The following PIGN variants were observed in gnomAD, a reference collection of about 807,000 sequenced individuals.
The protein encoded by PIGN is GPI ethanolamine phosphate transferase 1.
PIGN carries 117 observed loss-of-function variants against 125.4 expected under a neutral mutation model. The ratio of observed to expected loss-of-function variants is 0.93; its 90% CI spans 0.80 to 1.09. The LOEUF (loss-of-function observed/expected upper bound fraction) is 1.09. Ranked by LOEUF, PIGN falls within the 50% of genes least tolerant of loss-of-function variation. PIGN has a pLI of 0.00. For synonymous variants in PIGN, 392 were observed against 377.8 expected (o/e 1.04, Z -0.44); for missense variants, 1,075 against 1,094.9 (o/e 0.98, Z 0.26).
At chr18:62,089,582 ATC>A (rs977386056) in intron 24 of PIGN, among the ~76,000 whole-genome samples, 5 of 152,294 alleles carry the variant, frequency 3.3e-5, no homozygotes, top group African/African-American at 1.2e-4. Flanking sequence ...ATTAAGGCTA[ATC>A]TCTGAGTATT....
At chr18:62,024,803 C>G (rs1263280884) in intron 23 of PIGN, among the ~76,000 whole-genome samples, 1 of 152,164 alleles carries the variant, frequency 6.6e-6, no homozygotes, top group African/African-American at 2.4e-5. Flanking sequence ...ACCTGGGCAA[C>G]ATAGCAACAC....
intron 1 of PIGN, among the ~76,000 whole-genome samples, chr18:62,177,802 G>A (rs2037578427): frequency 6.6e-6 from 1 of 152,134 alleles, no homozygotes; most frequent in African/African-American, 2.4e-5. Flanking sequence ...ATCAGCCAAT[G>A]GCAGATTTAG....
At chr18:62,088,515 C>G in intron 25 of PIGN, 1 of 229,882 alleles carries the variant, frequency 4.4e-6, no homozygotes, top group Non-Finnish European at 8.2e-6. Flanking sequence ...ACATATGTGA[C>G]AAAGTACTAA....
chr18:62,140,907 G>A (rs2036111276), intron 11 of PIGN, among the ~76,000 whole-genome samples: 1 of 152,158 alleles, frequency 6.6e-6, no homozygotes, highest in Non-Finnish European at 1.5e-5. Context: ...GTGATGTCCA[G>A]AAAAGACATA....
At chr18:62,124,193 T>G (rs1599575418) in intron 14 of PIGN, among the ~76,000 whole-genome samples, 1 of 152,106 alleles carries the variant, frequency 6.6e-6, no homozygotes, top group East Asian at 1.9e-4. Context: ...AATGATTAAA[T>G]AAACCACAGC....
At chr18:62,069,385 C>T (rs140629241) in intron 30 of PIGN, 16 of 152,288 alleles carry the variant, frequency 1.1e-4, no homozygotes, top group Admixed American at 9.8e-4. Context: ...CAGTCTCACT[C>T]CCAAGTTCAC....
chr18:62,107,621 A>G (rs1252732723), intron 17 of PIGN: 1 of 152,706 alleles, frequency 6.5e-6, no homozygotes, highest in African/African-American at 2.4e-5. Context: ...AATGATCACA[A>G]AAGTTTGCTT....
At chr18:62,049,697 A>G (rs1160352400) in intron 30 of PIGN, among the ~76,000 whole-genome samples, 2 of 150,336 alleles carry the variant, frequency 1.3e-5, no homozygotes, top group Admixed American at 6.6e-5. Flanking sequence ...GAAGCTCTTT[A>G]GTTTAATTAG....
At chr18:62,028,418 A>G (rs999419332) in intron 23 of PIGN, among the ~76,000 whole-genome samples, 1 of 152,238 alleles carries the variant, frequency 6.6e-6, no homozygotes, top group Non-Finnish European at 1.5e-5. Context: ...AAAAAGAAAT[A>G]GAAGAAATTT....
Position 62,157,796 on chromosome 18 carries a change from C to A in PIGN, c.234G>T (p.Met78Ile). 6.2e-7 allele frequency: 1 copy of A among 1,610,752 alleles called. No homozygotes were observed. Among genetic ancestry groups the A allele is most frequent in the Non-Finnish European group, 8.5e-7 (1 of 1,178,016 alleles). ...SRAPFIRNIIMHEGSWGISHT... is the reference protein window; with the variant it reads ...SRAPFIRNIIIHEGSWGISHT... ...GAGATATGCCCCAGCTGCCTTCATGCATTATGATATTCCTAAAAGATATTA... is the reference window on the plus strand; with the variant it reads ...GAGATATGCCCCAGCTGCCTTCATGAATTATGATATTCCTAAAAGATATTA... The change falls in exon 5 of 31, where the codon ATG (methionine) becomes ATT (isoleucine). Residue 78 changes from methionine (M) to isoleucine (I), a missense_variant. Around this residue, in one of 3 missense-constraint regions of PIGN, gnomAD observed 152 missense variants for 162.9 expected, o/e 0.93. Transcript: ENST00000640252.
chr18:62,157,333 C>A, intron 5 of PIGN, 106 bp from the exon 6 acceptor site: 2 of 574,846 alleles, frequency 3.5e-6, no homozygotes, highest in Non-Finnish European at 6.1e-6. Flanking sequence ...TGAATAAATG[C>A]AAAACTAATA....
At chr18:62,032,826 C>T (rs72938022) in intron 23 of PIGN, among the ~76,000 whole-genome samples, 32,235 of 151,942 alleles carry the variant, frequency 0.21, 3,684 homozygotes, top group East Asian at 0.31. Flanking sequence ...TTTAAAACAG[C>T]GTCTGGCACA....
chr18:62,082,796 ACTTTTTG>A, intron 27 of PIGN, 50 bp from the exon 28 acceptor site: 4 of 973,518 alleles, frequency 4.1e-6, no homozygotes, highest in Admixed American at 2.4e-5. Flanking sequence ...CATCTGAAAC[ACTTTTTG>A]AAAAAAATAC....
chr18:62,151,534 T>A (rs1429963007), intron 7 of PIGN, among the ~76,000 whole-genome samples: 1 of 152,110 alleles, frequency 6.6e-6, no homozygotes, highest in Non-Finnish European at 1.5e-5. Context: ...CCTCCCAAGG[T>A]TAAGGAGGGC....
At chr18:62,132,269 A>G (rs1046956451) in intron 14 of PIGN, among the ~76,000 whole-genome samples, 3 of 152,228 alleles carry the variant, frequency 2.0e-5, no homozygotes, top group Non-Finnish European at 4.4e-5. Context: ...GGTCGATGGT[A>G]CTCAGTAAAT....
At chr18:62,084,293 A>G (rs2033585832) in intron 27 of PIGN, among the ~76,000 whole-genome samples, 2 of 152,202 alleles carry the variant, frequency 1.3e-5, no homozygotes, top group African/African-American at 2.4e-5. Flanking sequence ...ATCACATCTG[A>G]TAAGATCCTC....
Position 62,148,122 on chromosome 18 carries a change from G to A in PIGN, c.674+92C>T, listed in dbSNP as rs1006672214. On this transcript the variant is annotated intron_variant, in intron 8 of 30. Transcript: ENST00000640252. ...AGTAGTTGTTTAAAATATTAGCTCT[G>A]TTGTTATAATTCCAAAGAAAACTTT... 5.1e-6 allele frequency: 5 copies of A among 974,592 alleles called. No individual in the cohort carries two copies. In the Admixed American group the frequency reaches 9.6e-5, roughly 19 times the overall value. The allele number at this position is 974,592 out of a possible 1,614,324, so 60.4% of individuals were successfully genotyped here. A position where few individuals can be genotyped will look rare whatever the true frequency, so the allele number is the denominator to read the frequency against.
Position 62,083,298 on chromosome 18 carries a change from G to C in PIGN, c.2503-552C>G, listed in dbSNP as rs960135261. Among the ~76,000 whole-genome samples, 5 of 152,134 alleles carry C rather than the reference G, an allele frequency of 3.3e-5. No individual in the cohort carries two copies. In the East Asian group the frequency reaches 9.6e-4, roughly 29 times the overall value. On this transcript the variant is annotated intron_variant, in intron 27 of 30. Transcript: ENST00000640252. ...ATAAAACATTTGAAATAAAGCTATAGTAAAATTTATGCTGGTTGAAAATCC... is the reference window on the plus strand; with the variant it reads ...ATAAAACATTTGAAATAAAGCTATACTAAAATTTATGCTGGTTGAAAATCC...
At chr18:62,126,392 A>G (rs2035536191) in intron 14 of PIGN, among the ~76,000 whole-genome samples, 1 of 152,242 alleles carries the variant, frequency 6.6e-6, no homozygotes, top group Non-Finnish European at 1.5e-5. Flanking sequence ...ACCACAGAAA[A>G]TATCATTTTA....
Sources: gnomAD v4.1 joint callset for allele counts (sites outside exome capture counted in the v4.1 genomes callset) on GRCh38, gnomAD v4.1.1 for gene constraint, gnomAD v4.1.1 regional missense constraint, MANE v1.5 for transcripts, NCBI Gene and HGNC (gene_info 2026-07-23, HGNC 2026-07-21) for gene names.